The following GLIS3 variants were observed in gnomAD, a reference collection of about 807,000 sequenced individuals.
GLIS3 encodes GLIS family zinc finger 3, also known as zinc finger protein GLIS3.
Under a neutral mutation model 78.6 loss-of-function variants are expected in GLIS3, and 53 were observed. The ratio of observed to expected loss-of-function variants is 0.67; its 90% CI spans 0.54 to 0.85. The LOEUF (loss-of-function observed/expected upper bound fraction) is 0.85. GLIS3 is among the 40% of genes least tolerant of loss of function. The pLI, the probability that GLIS3 is intolerant of heterozygous loss-of-function variation, is 0.00. For missense variants in GLIS3, 1,703 were observed against 1,231.1 expected (o/e 1.38, Z -5.74); for synonymous variants, 684 against 509.9 (o/e 1.34, Z -4.60).
chr9:4,438,639 T>C, the GLIS3 span, among the ~76,000 whole-genome samples: 2 of 152,218 alleles, frequency 1.3e-5, no homozygotes, highest in Non-Finnish European at 2.9e-5. Flanking sequence ...TCCCCACTTG[T>C]CAAGGGCAGG....
intron 2 of GLIS3, among the ~76,000 whole-genome samples, chr9:4,330,094 A>C (rs1817663130): frequency 6.6e-6 from 1 of 152,236 alleles, no homozygotes; most frequent in Admixed American, 6.5e-5. Flanking sequence ...AGAAATGACC[A>C]AAACTTACTT....
At chr9:4,059,948 G>C (rs780388682) in intron 4 of GLIS3, among the ~76,000 whole-genome samples, 4 of 151,832 alleles carry the variant, frequency 2.6e-5, no homozygotes, top group Non-Finnish European at 4.4e-5. Flanking sequence ...TTTAAGGCAG[G>C]TGTGAAGGTT....
chr9:4,320,740 T>A (rs1163380568), intron 2 of GLIS3, among the ~76,000 whole-genome samples: 1 of 152,096 alleles, frequency 6.6e-6, no homozygotes, highest in Non-Finnish European at 1.5e-5. Flanking sequence ...CCGGGAACCA[T>A]CACCATCATT....
chr9:4,140,322 C>G (rs566735036), intron 2 of GLIS3, among the ~76,000 whole-genome samples: 96 of 151,946 alleles, frequency 6.3e-4, no homozygotes, highest in Admixed American at 4.0e-3. Context: ...AGACCCTGTC[C>G]CCAAAAAACA....
chr9:4,100,265 T>G (rs1398201436), intron 4 of GLIS3, among the ~76,000 whole-genome samples: 1 of 152,208 alleles, frequency 6.6e-6, no homozygotes, highest in Admixed American at 6.6e-5. Flanking sequence ...CTGCCAGGGC[T>G]GAACTGTTAA....
intron 3 of GLIS3, among the ~76,000 whole-genome samples, chr9:4,122,488 C>T (rs1384168584): frequency 6.6e-6 from 1 of 152,150 alleles, no homozygotes; most frequent in Non-Finnish European, 1.5e-5. Flanking sequence ...AGGAAACCAT[C>T]ACCAAGAATT....
chr9:4,121,140 C>G (rs891820920), intron 3 of GLIS3, among the ~76,000 whole-genome samples: 2 of 152,240 alleles, frequency 1.3e-5, no homozygotes, highest in African/African-American at 4.8e-5. Flanking sequence ...GAGAACAAAA[C>G]TTCCCCAAAT....
chr9:4,034,144 G>C (rs1588499740), intron 4 of GLIS3, among the ~76,000 whole-genome samples: 1 of 152,044 alleles, frequency 6.6e-6, no homozygotes, highest in Admixed American at 6.6e-5. Flanking sequence ...TAAGAGGATT[G>C]CTTGAGCCCA....
intron 2 of GLIS3, among the ~76,000 whole-genome samples, chr9:4,328,454 C>T (rs1177535882): frequency 6.6e-6 from 1 of 152,214 alleles, no homozygotes; most frequent in Non-Finnish European, 1.5e-5. Flanking sequence ...CCCCATTCTG[C>T]TCCCACCTTT....
intron 1 of GLIS3, among the ~76,000 whole-genome samples, chr9:4,289,561 C>T (rs771005794): frequency 4.6e-5 from 7 of 152,110 alleles, no homozygotes; most frequent in African/African-American, 7.2e-5. Flanking sequence ...AGGATTCCAT[C>T]GGAAGAGCAC....
intron 2 of GLIS3, among the ~76,000 whole-genome samples, chr9:4,137,994 T>C (rs569648719): frequency 6.6e-6 from 1 of 152,344 alleles, no homozygotes; most frequent in East Asian, 1.9e-4. Flanking sequence ...AGGCACAACT[T>C]AGTAATTTAT....
intron 4 of GLIS3, among the ~76,000 whole-genome samples, chr9:3,947,794 T>C (rs904204808): frequency 3.3e-5 from 5 of 152,196 alleles, no homozygotes; most frequent in Non-Finnish European, 5.9e-5. Flanking sequence ...CTTAAGCCTT[T>C]TCACTTTCAA....
At chr9:3,968,406 T>C (rs1818123301) in intron 4 of GLIS3, among the ~76,000 whole-genome samples, 1 of 152,166 alleles carries the variant, frequency 6.6e-6, no homozygotes, top group Admixed American at 6.5e-5. Flanking sequence ...CAAACAAAAT[T>C]TTTTTAAAGG....
chr9:3,854,058 G>A (rs1170658825), intron 9 of GLIS3, among the ~76,000 whole-genome samples: 1 of 152,146 alleles, frequency 6.6e-6, no homozygotes, highest in Non-Finnish European at 1.5e-5. Context: ...AGAATCAATG[G>A]CCTACTCTAC....
chr9:4,451,498 C>G, the GLIS3 span, among the ~76,000 whole-genome samples: 1 of 152,112 alleles, frequency 6.6e-6, no homozygotes, highest in Admixed American at 6.6e-5. Context: ...ACCAAGTGAA[C>G]CTAATAGACA....
the GLIS3 span, among the ~76,000 whole-genome samples, chr9:4,453,873 G>A: frequency 1.3e-5 from 2 of 152,106 alleles, no homozygotes; most frequent in African/African-American, 2.4e-5. Context: ...GGGAGGGATA[G>A]CATTAGGAGA....
At chr9:4,271,858 C>T (rs969522347) in intron 2 of GLIS3, among the ~76,000 whole-genome samples, 3 of 152,156 alleles carry the variant, frequency 2.0e-5, no homozygotes, top group African/African-American at 7.2e-5. Context: ...ACTGTGGGGT[C>T]GGAGCAAACC....
At chr9:4,368,539 G>C in the GLIS3 span, among the ~76,000 whole-genome samples, 1 of 152,144 alleles carries the variant, frequency 6.6e-6, no homozygotes, top group African/African-American at 2.4e-5. Flanking sequence ...TTTTACTAGA[G>C]ACGGGGTTTC....
At chr9:4,303,975 C>T (rs1817161387), upstream of GLIS3, among the ~76,000 whole-genome samples, 1 of 152,188 alleles carries the variant, frequency 6.6e-6, no homozygotes, top group Non-Finnish European at 1.5e-5. Flanking sequence ...TCTATAACTA[C>T]CTTCTATAAA....
Sources: gnomAD v4.1 joint callset for allele counts (sites outside exome capture counted in the v4.1 genomes callset) on GRCh38, gnomAD v4.1.1 for gene constraint, MANE v1.5 for transcripts, NCBI Gene and HGNC (gene_info 2026-07-23, HGNC 2026-07-21) for gene names.